Variants in SPTSSB observed in about 807,000 individuals in gnomAD.
SPTSSB encodes serine palmitoyltransferase small subunit B, also known as androgen down regulated in mouse prostate.
In SPTSSB, 6 loss-of-function variants were observed where a neutral mutation model predicts 7.7. The observed-to-expected ratio is 0.78, with a 90% CI of 0.43 to 1.54. The LOEUF (loss-of-function observed/expected upper bound fraction) is 1.54, where lower values mean the gene tolerates loss of function less well. Ranked by LOEUF, SPTSSB falls within the 40% of genes most tolerant of loss-of-function variation. The pLI is 0.01. For synonymous variants in SPTSSB, 28 were observed against 29.7 expected, an observed-to-expected ratio of 0.94 and a Z score of 0.19; for missense variants, 91 against 93.0, an observed-to-expected ratio of 0.98 and a Z score of 0.09.
intron 1 of SPTSSB, among the ~76,000 whole-genome samples, chr3:161,361,234 AG>A (rs995832377): frequency 1.3e-4 from 20 of 152,158 alleles, no homozygotes; most frequent in African/African-American, 4.8e-4. Context: ...GGTGAATCTT[AG>A]GAAAAACTTT....
At position 161,345,255 on chromosome 3, in the gene SPTSSB, TC is replaced by T. The variant is rs1288062947; in HGVS notation, c.*837del. 3.9e-5 allele frequency: 6 copies of T among 152,592 alleles called. No individual in the cohort carries two copies. Among genetic ancestry groups the T allele is most frequent in the Non-Finnish European group, 8.8e-5 (6 of 68,030 alleles). The allele number at this position is 152,592 out of a possible 1,614,324, so 9.5% of individuals were successfully genotyped here. A position where few individuals can be genotyped will look rare whatever the true frequency, so the allele number is the denominator to read the frequency against. On this transcript the variant is annotated 3_prime_UTR_variant, in exon 3 of 3. Coordinates refer to ENST00000620149, the MANE Select transcript of SPTSSB (RefSeq NM_001040100.2). Reference sequence around the variant, plus strand: ...TTCCAGCCTATTTATTAGCTTGTCTTCCGGTGGCCCAATACATGCTTTTTTC... The same window carrying T: ...TTCCAGCCTATTTATTAGCTTGTCTTCGGTGGCCCAATACATGCTTTTTTC...
At chr3:161,347,547 C>T (rs1476843031) in intron 2 of SPTSSB, among the ~76,000 whole-genome samples, 1 of 152,068 alleles carries the variant, frequency 6.6e-6, no homozygotes, top group Non-Finnish European at 1.5e-5. Context: ...CAGGCATAAG[C>T]CACTGTACCC....
intron 1 of SPTSSB, among the ~76,000 whole-genome samples, chr3:161,368,437 T>G (rs941737338): frequency 6.6e-6 from 1 of 151,802 alleles, no homozygotes; most frequent in Non-Finnish European, 1.5e-5. Context: ...TTCTTTTTTT[T>G]TTTTTTTGAG....
rs76039965 is a variant in SPTSSB at position 161,361,399 on chromosome 3, C to T, written c.-125-1505G>A. 5.5e-3 allele frequency among the ~76,000 whole-genome samples: 840 copies of T among 152,088 alleles called. 12 individuals are homozygous for T. The highest frequency in any genetic ancestry group is 0.019 in the African/African-American group (775 of 41,506). On this transcript the variant is annotated intron_variant, in intron 1 of 2. Transcript: ENST00000620149. ...TAAGAAGATATTACTAAAATCTCACCGATTCTAAGATAGTATTTCTACAGT... is the reference window on the plus strand; with the variant it reads ...TAAGAAGATATTACTAAAATCTCACTGATTCTAAGATAGTATTTCTACAGT...
intron 2 of SPTSSB, among the ~76,000 whole-genome samples, chr3:161,357,073 G>A (rs59761692): frequency 0.047 from 7,148 of 152,272 alleles, 245 homozygotes; most frequent in African/African-American, 0.09. Context: ...CGTTGATAAG[G>A]TGCTCTCTCT....
intron 1 of SPTSSB, among the ~76,000 whole-genome samples, chr3:161,362,086 C>T (rs1196644107): frequency 1.3e-5 from 2 of 152,066 alleles, no homozygotes; most frequent in African/African-American, 2.4e-5. Flanking sequence ...AGCTCTCCAT[C>T]GCAGAGTAGA....
chr3:161,352,030 C>T (rs1044776802), intron 2 of SPTSSB, among the ~76,000 whole-genome samples: 3 of 152,214 alleles, frequency 2.0e-5, no homozygotes, highest in Non-Finnish European at 2.9e-5. Context: ...GCTGTGGACT[C>T]TCCATCTGTT....
At chr3:161,364,193 T>A (rs336583) in intron 1 of SPTSSB, among the ~76,000 whole-genome samples, 98,235 of 151,820 alleles carry the variant, frequency 0.65, 33,873 homozygotes, top group East Asian at 0.97. Flanking sequence ...AACGCCAGAA[T>A]AATTTTGAGA....
rs149016956 is a variant in SPTSSB, at chr3:161,356,997, T to G, written c.-33+2805A>C. Among the ~76,000 whole-genome samples, 615 of 151,358 alleles carry G rather than the reference T, an allele frequency of 4.1e-3. 2 individuals are homozygous for G. Among genetic ancestry groups the G allele is most frequent in the Middle Eastern group, 0.031 (9 of 294 alleles). On this transcript the variant is annotated intron_variant, in intron 2 of 2. Coordinates refer to ENST00000620149, the MANE Select transcript of SPTSSB (RefSeq NM_001040100.2). ...ACTCTGTCTCAAAAAGAAAAAAAAA[T>G]AAAAATAAAAAAGGAAAAGAAAAGA...
intron 1 of SPTSSB, among the ~76,000 whole-genome samples, chr3:161,365,977 C>G (rs1443810431): frequency 6.6e-6 from 1 of 152,132 alleles, no homozygotes; most frequent in South Asian, 2.1e-4. Flanking sequence ...GGATTTGATG[C>G]TCTGCTCACT....
intron 1 of SPTSSB, among the ~76,000 whole-genome samples, chr3:161,363,721 T>C (rs1488307997): frequency 6.6e-6 from 1 of 152,212 alleles, no homozygotes; most frequent in African/African-American, 2.4e-5. Context: ...TTCTGTATTC[T>C]GATTTTTTCA....
At chr3:161,360,899 G>A (rs1422748039) in intron 1 of SPTSSB, among the ~76,000 whole-genome samples, 1 of 152,104 alleles carries the variant, frequency 6.6e-6, no homozygotes, top group Non-Finnish European at 1.5e-5. Flanking sequence ...ATAGTTTTGT[G>A]ATATGACTGC....
intron 2 of SPTSSB, among the ~76,000 whole-genome samples, chr3:161,349,562 A>G (rs336574): frequency 0.087 from 13,296 of 152,272 alleles, 718 homozygotes; most frequent in East Asian, 0.24. Context: ...CTTTCGATAT[A>G]TGGAAAAGAA....
intron 1 of SPTSSB, among the ~76,000 whole-genome samples, chr3:161,367,529 G>A (rs1715273610): frequency 6.6e-6 from 1 of 152,306 alleles, no homozygotes. Context: ...TTCCATTTCT[G>A]GACGAAGCAT....
rs372493292 is a variant in SPTSSB at position 161,353,589 on chromosome 3, G to T, written c.-33+6213C>A. 4.0e-4 allele frequency among the ~76,000 whole-genome samples: 61 copies of T among 152,146 alleles called. No individual in the cohort carries two copies. The East Asian group carries it at 7.5e-3, about 19-fold the overall frequency. On this transcript the variant is annotated intron_variant, in intron 2 of 2. Transcript: ENST00000620149. ...CTGCACAACCAATGTGATTGTTCTT[G>T]TCTCGGGGGCCTAATCACAAGCTGC...
At chr3:161,353,389 C>T (rs1714630918) in intron 2 of SPTSSB, among the ~76,000 whole-genome samples, 1 of 152,114 alleles carries the variant, frequency 6.6e-6, no homozygotes, top group Non-Finnish European at 1.5e-5. Flanking sequence ...AAAACTACCC[C>T]TTATTTATGT....
intron 2 of SPTSSB, among the ~76,000 whole-genome samples, chr3:161,350,047 T>A (rs1184506568): frequency 6.6e-6 from 1 of 152,042 alleles, no homozygotes; most frequent in Non-Finnish European, 1.5e-5. Context: ...AATGTAACAA[T>A]TAAAAAAAAC....
intron 2 of SPTSSB, among the ~76,000 whole-genome samples, chr3:161,358,729 G>A (rs1057183898): frequency 6.6e-6 from 1 of 152,124 alleles, no homozygotes; most frequent in Non-Finnish European, 1.5e-5. Context: ...TTTTGGTGTG[G>A]CTGTCATAAA....
intron 1 of SPTSSB, among the ~76,000 whole-genome samples, chr3:161,369,346 T>TCTCTGTCTC (rs1715391922): frequency 2.9e-5 from 3 of 102,434 alleles, no homozygotes; most frequent in African/African-American, 1.2e-4. Context: ...CTTTCTTTCT[T>TCTCTGTCTC]TCTTTCTCTT....
Sources: gnomAD v4.1 joint callset for allele counts (sites outside exome capture counted in the v4.1 genomes callset) on GRCh38, gnomAD v4.1.1 for gene constraint, MANE v1.5 for transcripts, NCBI Gene and HGNC (gene_info 2026-07-23, HGNC 2026-07-21) for gene names.